Variants in TBC1D12 observed in about 807,000 individuals in gnomAD.
The protein encoded by TBC1D12 is TBC1 domain family, member 12.
TBC1D12 carries 56 observed loss-of-function variants against 86.7 expected under a neutral mutation model. The ratio of observed to expected loss-of-function variants is 0.65; its 90% CI spans 0.52 to 0.81. TBC1D12 has a LOEUF of 0.81. Among genes scored for constraint, TBC1D12 ranks in the 30% least tolerant of loss-of-function variants. The probability of loss-of-function intolerance (pLI) is 0.00; values close to 1 mark genes in which losing one functional copy is unlikely to be tolerated. For missense variants in TBC1D12, 1,023 were observed against 1,038.8 expected (o/e 0.98, Z 0.21); for synonymous variants, 421 against 411.7 (o/e 1.02, Z -0.27).
chr10:94,408,394 T>G (rs2054885030), intron 1 of TBC1D12, among the ~76,000 whole-genome samples: 1 of 152,186 alleles, frequency 6.6e-6, no homozygotes, highest in Non-Finnish European at 1.5e-5. Flanking sequence ...ACAGAGCTCT[T>G]TTTACAATGG....
chr10:94,443,520 ATC>A (rs1283947836), intron 2 of TBC1D12, among the ~76,000 whole-genome samples: 18 of 152,314 alleles, frequency 1.2e-4, no homozygotes, highest in South Asian at 4.1e-4. Flanking sequence ...GTGTGCTGTG[ATC>A]CCCAAGCCAT....
rs200175022 is a variant in TBC1D12 at position 94,465,653 on chromosome 10, A to T, written c.1096-9015A>T. ...AGAGCAAGACTCTTGCCTAAAAAAAAAAATATATATATATATATGTGTGTG... is the reference window on the plus strand; with the variant it reads ...AGAGCAAGACTCTTGCCTAAAAAAATAAATATATATATATATATGTGTGTG... On this transcript the variant is annotated intron_variant, in intron 2 of 12. Coordinates refer to ENST00000225235, the MANE Select transcript of TBC1D12 (RefSeq NM_015188.2). Among the ~76,000 whole-genome samples, 6 of 82,554 alleles carry T rather than the reference A, an allele frequency of 7.3e-5. No homozygotes were observed. The East Asian group carries it at 2.2e-3, about 31-fold the overall frequency. 54.2% of individuals were successfully genotyped at this position (82,554 alleles called of 152,430 possible).
At chr10:94,498,810 C>T (rs1168925926) in intron 5 of TBC1D12, among the ~76,000 whole-genome samples, 3 of 151,798 alleles carry the variant, frequency 2.0e-5, no homozygotes, top group African/African-American at 7.3e-5. Flanking sequence ...ACTCTGTTGC[C>T]CAGGCTGGGG....
In TBC1D12 at chr10:94,481,098, T is replaced by C. The variant is rs1298272292; in HGVS notation, c.1211+6315T>C. On this transcript the variant is annotated intron_variant, in intron 3 of 12. Coordinates refer to ENST00000225235, the MANE Select transcript of TBC1D12 (RefSeq NM_015188.2). ...GGGACTCATCAATAGTCTTAAAATA[T>C]TCATTTAACCGTGCTGTAAACATGT... Among the ~76,000 whole-genome samples the C allele has an allele frequency of 2.0e-5, 3 of 151,006 alleles. No individual in the cohort carries two copies. The East Asian group carries it at 5.8e-4, about 29-fold the overall frequency.
At chr10:94,509,834 T>C (rs1391562950) in intron 7 of TBC1D12, 1 of 367,052 alleles carries the variant, frequency 2.7e-6, no homozygotes, top group Non-Finnish European at 4.8e-6. Flanking sequence ...ACCATGGAAA[T>C]GATGGTCTGC....
chr10:94,530,177 A>G (rs900002866), intron 11 of TBC1D12, among the ~76,000 whole-genome samples: 1 of 152,206 alleles, frequency 6.6e-6, no homozygotes. Context: ...ACAATTGTAT[A>G]CTTTCTTTGC....
intron 9 of TBC1D12, among the ~76,000 whole-genome samples, chr10:94,517,645 CCAGT>C (rs894935192): frequency 6.6e-6 from 1 of 152,072 alleles, no homozygotes; most frequent in African/African-American, 2.4e-5. Flanking sequence ...CACTGACAAA[CCAGT>C]CAGTCAAATC....
intron 6 of TBC1D12, among the ~76,000 whole-genome samples, chr10:94,502,959 T>C (rs1308795541): frequency 6.6e-6 from 1 of 152,234 alleles, no homozygotes; most frequent in Non-Finnish European, 1.5e-5. Context: ...TTTCTGGTCT[T>C]TTTTCTATGT....
chr10:94,411,339 C>T (rs1057108791), intron 1 of TBC1D12, among the ~76,000 whole-genome samples: 2 of 152,202 alleles, frequency 1.3e-5, no homozygotes, highest in Non-Finnish European at 2.9e-5. Context: ...AAGCCTTTAA[C>T]TTCCAGACCA....
chr10:94,408,188 T>G (rs1430199640), intron 1 of TBC1D12, among the ~76,000 whole-genome samples: 1 of 152,226 alleles, frequency 6.6e-6, no homozygotes, highest in Non-Finnish European at 1.5e-5. Context: ...AGTGCTGATT[T>G]TTTTTCCCAA....
intron 2 of TBC1D12, among the ~76,000 whole-genome samples, chr10:94,444,525 T>C (rs1156964826): frequency 6.6e-6 from 1 of 152,164 alleles, no homozygotes; most frequent in African/African-American, 2.4e-5. Context: ...GTCTTGCTAC[T>C]GAAGGTTTAT....
chr10:94,455,466 C>T (rs967975980), intron 2 of TBC1D12, among the ~76,000 whole-genome samples: 1 of 152,170 alleles, frequency 6.6e-6, no homozygotes, highest in Non-Finnish European at 1.5e-5. Context: ...ATAATTGATA[C>T]AATTTCTTCC....
chr10:94,453,441 T>G (rs1051431385), intron 2 of TBC1D12, among the ~76,000 whole-genome samples: 31 of 152,322 alleles, frequency 2.0e-4, no homozygotes, highest in African/African-American at 7.0e-4. Context: ...TCATATAACT[T>G]TTATTATAGA....
intron 4 of TBC1D12, among the ~76,000 whole-genome samples, chr10:94,494,689 G>GT (rs1031435844): frequency 1.1e-4 from 16 of 151,828 alleles, no homozygotes; most frequent in Non-Finnish European, 2.1e-4. Flanking sequence ...GACCATAGGC[G>GT]TGCACCACCA....
At chr10:94,507,902 T>C (rs1399087578) in intron 7 of TBC1D12, among the ~76,000 whole-genome samples, 1 of 152,022 alleles carries the variant, frequency 6.6e-6, no homozygotes, top group African/African-American at 2.4e-5. Context: ...AGGGAGAATG[T>C]CTTGAACCTG....
intron 1 of TBC1D12, among the ~76,000 whole-genome samples, chr10:94,411,822 G>T (rs1047178823): frequency 6.6e-6 from 1 of 152,172 alleles, no homozygotes; most frequent in South Asian, 2.1e-4. Context: ...GCTGGGCATG[G>T]TTGTGTGCAC....
At chr10:94,506,699 C>T (rs542950074) in intron 6 of TBC1D12, among the ~76,000 whole-genome samples, 5 of 152,288 alleles carry the variant, frequency 3.3e-5, no homozygotes, top group African/African-American at 1.2e-4. Context: ...CACACCAAGT[C>T]TGTGTGAAAT....
chr10:94,412,205 G>T (rs1466736412), intron 1 of TBC1D12, among the ~76,000 whole-genome samples: 2 of 152,150 alleles, frequency 1.3e-5, no homozygotes, highest in Non-Finnish European at 2.9e-5. Flanking sequence ...TGCCATGAGG[G>T]TTAAATAATA....
At chr10:94,485,233 A>G (rs927235933) in intron 3 of TBC1D12, among the ~76,000 whole-genome samples, 2 of 152,128 alleles carry the variant, frequency 1.3e-5, no homozygotes, top group Non-Finnish European at 2.9e-5. Flanking sequence ...AGTCTGTTGT[A>G]TATGGCTTTT....
Sources: gnomAD v4.1 joint callset for allele counts (sites outside exome capture counted in the v4.1 genomes callset) on GRCh38, gnomAD v4.1.1 for gene constraint, MANE v1.5 for transcripts, NCBI Gene and HGNC (gene_info 2026-07-23, HGNC 2026-07-21) for gene names.